The following SLC6A15 variants were observed in gnomAD, a reference collection of about 807,000 sequenced individuals.
The protein encoded by SLC6A15 is sodium-dependent neutral amino acid transporter B(0)AT2.
Under a neutral mutation model 68.5 loss-of-function variants are expected in SLC6A15, and 33 were observed. The ratio of observed to expected loss-of-function variants is 0.48; its 90% CI spans 0.37 to 0.64. SLC6A15 has a LOEUF of 0.64. Among genes scored for constraint, SLC6A15 ranks in the 30% least tolerant of loss-of-function variants. The pLI, the probability that SLC6A15 is intolerant of heterozygous loss-of-function variation, is 0.00. For missense variants in SLC6A15, 747 were observed against 874.3 expected (o/e 0.85, Z 1.84); for synonymous variants, 347 against 301.0 (o/e 1.15, Z -1.58).
rs1323933055 is a variant in SLC6A15 at position 84,883,859 on chromosome 12, T to G, written c.756A>C (p.Lys252Asn). Residue 252 changes from lysine (K) to asparagine (N), a missense_variant and splice_region_variant, in exon 5 of 12, where the codon AAA becomes AAC. Transcript: ENST00000266682. ...AMIKGIQSSG[K>N]IIYFSSLFPY... ...TGAGGAAGGGCTCTAACATACTAACTTTTCCAGAAGACTGAATGCCTTTGA... is the reference window on the plus strand; with the variant it reads ...TGAGGAAGGGCTCTAACATACTAACGTTTCCAGAAGACTGAATGCCTTTGA... 1 of 1,614,092 alleles carries G rather than the reference T, an allele frequency of 6.2e-7. No individual in the cohort carries two copies. Among genetic ancestry groups the G allele is most frequent in the Admixed American group, 1.7e-5 (1 of 60,026 alleles).
intron 2 of SLC6A15, 62 bp downstream of exon 2, chr12:84,891,770 G>A: frequency 7.0e-7 from 1 of 1,437,762 alleles, no homozygotes; most frequent in Non-Finnish European, 9.5e-7. Context: ...AATAATAGGA[G>A]CTATTTGAGA....
intron 1 of SLC6A15, 88 bp downstream of exon 1, chr12:84,912,435 C>G (rs1406776944): frequency 6.6e-6 from 1 of 152,664 alleles, no homozygotes; most frequent in East Asian, 1.9e-4. Flanking sequence ...CAATTCGTTC[C>G]CGGTGCTGGT....
At chr12:84,906,547 A>C (rs12298904) in intron 1 of SLC6A15, among the ~76,000 whole-genome samples, 2,312 of 152,308 alleles carry the variant, frequency 0.015, 67 homozygotes, top group African/African-American at 0.052. Context: ...ATATAGCTAC[A>C]GTAATGAAGT....
intron 1 of SLC6A15, among the ~76,000 whole-genome samples, chr12:84,902,411 A>T (rs1026928064): frequency 2.0e-5 from 3 of 152,036 alleles, no homozygotes; most frequent in Non-Finnish European, 4.4e-5. Flanking sequence ...GCTGGTGGAA[A>T]TGTAAAATGG....
At position 84,885,456 on chromosome 12, in the gene SLC6A15, C is replaced by A. The variant is rs1231743159; in HGVS notation, c.553G>T (p.Val185Leu). The A allele has an allele frequency of 6.2e-7, 1 of 1,612,484 alleles. No individual in the cohort carries two copies. Among genetic ancestry groups the A allele is most frequent in the South Asian group, 1.1e-5 (1 of 90,916 alleles). ...TTACAAGTGTGTGAAGCATTTTTCA[C>A]CAAAGGACACTGATCCCAAGGCAGG... ...QPLPWDQCPL[V>L]KNASHTFVEP... Residue 185 changes from valine (V) to leucine (L), a missense_variant, in exon 4 of 12, where the codon GTG becomes TTG. Coordinates refer to ENST00000266682, the MANE Select transcript of SLC6A15 (RefSeq NM_182767.6).
In SLC6A15 at chr12:84,883,699, T is replaced by C. The variant is rs749908043; in HGVS notation, c.756+160A>G. The C allele has an allele frequency of 2.6e-6, 4 of 1,557,402 alleles. No individual in the cohort carries two copies. The Admixed American group carries it at 5.8e-5, about 22-fold the overall frequency. ...CTGTTTTTATTTGTCTTTTTAAAAA[T>C]GTAAGCACACTTTTGAAGTGTCACT... On this transcript the variant is annotated intron_variant, in intron 5 of 11. Coordinates refer to ENST00000266682, the MANE Select transcript of SLC6A15 (RefSeq NM_182767.6).
At chr12:84,900,840 A>G (rs1352132371) in intron 1 of SLC6A15, among the ~76,000 whole-genome samples, 2 of 151,066 alleles carry the variant, frequency 1.3e-5, no homozygotes, top group Non-Finnish European at 3.0e-5. Flanking sequence ...TAAATCTGCT[A>G]TATTTTGTTA....
intron 2 of SLC6A15, among the ~76,000 whole-genome samples, chr12:84,889,008 C>G (rs1022088610): frequency 2.0e-5 from 3 of 152,158 alleles, no homozygotes; most frequent in Non-Finnish European, 4.4e-5. Flanking sequence ...TCCCTTCTCC[C>G]TTGAAGATCC....
Position 84,861,801 on chromosome 12 carries a change from C to T in SLC6A15, c.2024G>A (p.Ser675Asn). The change falls in exon 12 of 12, where the codon AGC (serine) becomes AAC (asparagine). Residue 675 changes from serine (S) to asparagine (N), a missense_variant. Coordinates refer to ENST00000266682, the MANE Select transcript of SLC6A15 (RefSeq NM_182767.6). ...EPVNLEGDDT[S>N]LIHGKIPSEM... ...GCTCGGTATTTTTCCGTGAATGAGGCTTGTATCATCGCCCTCTAAGTTCAC... is the reference window on the plus strand; with the variant it reads ...GCTCGGTATTTTTCCGTGAATGAGGTTTGTATCATCGCCCTCTAAGTTCAC... 1 of 1,613,978 alleles carries T rather than the reference C, an allele frequency of 6.2e-7. No homozygotes were observed. The highest frequency in any genetic ancestry group is 2.2e-5 in the East Asian group (1 of 44,866).
intron 2 of SLC6A15, among the ~76,000 whole-genome samples, chr12:84,888,683 G>A (rs1003904900): frequency 6.6e-5 from 10 of 151,898 alleles, no homozygotes; most frequent in Middle Eastern, 6.8e-3. Context: ...TTGGGTGAGG[G>A]GTACATTAAA....
intron 10 of SLC6A15, among the ~76,000 whole-genome samples, chr12:84,864,244 C>G (rs930246509): frequency 2.6e-5 from 4 of 151,252 alleles, no homozygotes; most frequent in African/African-American, 9.7e-5. Flanking sequence ...TTTTTACATT[C>G]CGAATTTCTA....
intron 10 of SLC6A15, among the ~76,000 whole-genome samples, chr12:84,865,121 T>C (rs988475266): frequency 2.0e-5 from 3 of 152,200 alleles, no homozygotes; most frequent in African/African-American, 7.2e-5. Context: ...GTACAGGTTA[T>C]GAGTTTTGAG....
intron 5 of SLC6A15, chr12:84,880,789 T>C (rs1592600909): frequency 1.9e-6 from 1 of 518,594 alleles, no homozygotes; most frequent in Non-Finnish European, 2.5e-6. Flanking sequence ...TTTCAAAAGA[T>C]TGTATAAAAC....
chr12:84,901,662 G>C (rs1872888869), intron 1 of SLC6A15, among the ~76,000 whole-genome samples: 5 of 151,586 alleles, frequency 3.3e-5, no homozygotes, highest in Admixed American at 3.3e-4. Flanking sequence ...GCAAACACTT[G>C]AAGTAGCAGG....
At chr12:84,888,379 A>C (rs779125733) in intron 2 of SLC6A15, among the ~76,000 whole-genome samples, 3 of 152,166 alleles carry the variant, frequency 2.0e-5, no homozygotes, top group Non-Finnish European at 4.4e-5. Context: ...CCATCGACTA[A>C]TGAGTGGATA....
At chr12:84,886,946 C>CTTTCTTTCCT (rs146812295) in intron 2 of SLC6A15, among the ~76,000 whole-genome samples, 6,138 of 152,038 alleles carry the variant, frequency 0.04, 393 homozygotes, top group African/African-American at 0.14. Flanking sequence ...TTCTTTGTGT[C>CTTTCTTTCCT]TTTCTTTCCT....
At chr12:84,882,150 T>A in intron 5 of SLC6A15, 1 of 985,400 alleles carries the variant, frequency 1.0e-6, no homozygotes, top group Non-Finnish European at 1.2e-6. Flanking sequence ...AACGTGGTAG[T>A]AAGAGAACCT....
intron 5 of SLC6A15, chr12:84,881,463 A>G (rs910747939): frequency 3.0e-6 from 3 of 985,274 alleles, no homozygotes; most frequent in Non-Finnish European, 3.6e-6. Flanking sequence ...TTCTCATAAT[A>G]AAAAGGAAAA....
chr12:84,902,032 A>G (rs1376975349), intron 1 of SLC6A15, among the ~76,000 whole-genome samples: 3 of 151,898 alleles, frequency 2.0e-5, no homozygotes, highest in Non-Finnish European at 4.4e-5. Flanking sequence ...GTATAATTAT[A>G]GAGGAAAAAT....
Sources: gnomAD v4.1 joint callset for allele counts (sites outside exome capture counted in the v4.1 genomes callset) on GRCh38, gnomAD v4.1.1 for gene constraint, MANE v1.5 for transcripts, NCBI Gene and HGNC (gene_info 2026-07-23, HGNC 2026-07-21) for gene names.